RPS6KC1: variants seen among roughly 807,000 people sequenced by gnomAD.
RPS6KC1 encodes ribosomal protein S6 kinase C1.
Under a neutral mutation model 103.8 loss-of-function variants are expected in RPS6KC1, and 54 were observed. That is an observed-to-expected ratio of 0.52 (90% CI 0.42 to 0.65). The LOEUF is 0.65. RPS6KC1 is among the 30% of genes least tolerant of loss of function. The pLI, the probability that RPS6KC1 is intolerant of heterozygous loss-of-function variation, is 0.00. For synonymous variants in RPS6KC1, 439 were observed against 438.7 expected (o/e 1.00, Z -0.01); for missense variants, 1,151 against 1,253.8 (o/e 0.92, Z 1.24).
At chr1:213,814,340 A>G in the RPS6KC1 span, among the ~76,000 whole-genome samples, 8 of 152,252 alleles carry the variant, frequency 5.3e-5, no homozygotes, top group Admixed American at 2.6e-4. Context: ...TGAGGGCAGC[A>G]AGGGCCAACT....
At chr1:213,314,137 A>C in the RPS6KC1 span, among the ~76,000 whole-genome samples, 2 of 150,398 alleles carry the variant, frequency 1.3e-5, no homozygotes, top group Admixed American at 6.6e-5. Context: ...GAGGCTGCAC[A>C]CTCCCACCTC....
chr1:213,654,854 T>C, the RPS6KC1 span, among the ~76,000 whole-genome samples: 2 of 152,164 alleles, frequency 1.3e-5, no homozygotes, highest in African/African-American at 4.8e-5. Flanking sequence ...TGAGGTACTT[T>C]CATTGTAACA....
chr1:213,315,724 C>T, the RPS6KC1 span, among the ~76,000 whole-genome samples: 142 of 152,282 alleles, frequency 9.3e-4, no homozygotes, highest in Admixed American at 2.3e-3. Context: ...CTTGCTGCCC[C>T]CCACGGGCTT....
the RPS6KC1 span, among the ~76,000 whole-genome samples, chr1:213,404,225 G>A: frequency 1.2e-4 from 19 of 152,228 alleles, 1 homozygote; most frequent in South Asian, 2.9e-3. Context: ...TGCCTTCGGC[G>A]GGGGTTTACA....
intron 4 of RPS6KC1, among the ~76,000 whole-genome samples, chr1:213,114,905 A>G (rs2083420799): frequency 6.6e-6 from 1 of 152,186 alleles, no homozygotes; most frequent in African/African-American, 2.4e-5. Context: ...GATGAAGCCC[A>G]CTTGATCATG....
At chr1:213,409,819 T>G in the RPS6KC1 span, among the ~76,000 whole-genome samples, 1 of 152,220 alleles carries the variant, frequency 6.6e-6, no homozygotes, top group African/African-American at 2.4e-5. Context: ...AAGGAGCTTA[T>G]AAGCCAACAG....
the RPS6KC1 span, among the ~76,000 whole-genome samples, chr1:213,679,127 T>A: frequency 1.1e-4 from 17 of 152,294 alleles, no homozygotes; most frequent in South Asian, 3.3e-3. Context: ...AGTGAGAACT[T>A]GCATTTTATA....
chr1:213,508,012 G>T, the RPS6KC1 span, among the ~76,000 whole-genome samples: 1 of 152,180 alleles, frequency 6.6e-6, no homozygotes, highest in African/African-American at 2.4e-5. Context: ...TGATTAGGAG[G>T]CACCATCCCT....
At position 213,146,207 on chromosome 1, in the gene RPS6KC1, G is replaced by A. The variant is rs79648445; in HGVS notation, c.835+16318G>A. Among the ~76,000 whole-genome samples, 363 of 150,946 alleles carry A rather than the reference G, an allele frequency of 2.4e-3. 1 individual carries two copies. Among genetic ancestry groups the A allele is most frequent in the Middle Eastern group, 0.021 (6 of 288 alleles). The stretch of plus-strand genomic sequence containing the variant: ...AATTTTCAGTTCCATCCATGGCGTC[G>A]CAAATGACAGGATCTCATTCTTTTT... On this transcript the variant is annotated intron_variant, in intron 6 of 14. Transcript: ENST00000366960.
intron 9 of RPS6KC1, 109 bp downstream of exon 9, chr1:213,230,653 G>C (rs1558587952): frequency 1.6e-6 from 1 of 613,318 alleles, no homozygotes. Flanking sequence ...TGGCCAACAT[G>C]GTGAAACCCC....
At chr1:213,697,269 G>T in the RPS6KC1 span, among the ~76,000 whole-genome samples, 1 of 152,132 alleles carries the variant, frequency 6.6e-6, no homozygotes, top group Non-Finnish European at 1.5e-5. Flanking sequence ...CAGTGGGAGC[G>T]AGGTGGAAGG....
intron 12 of RPS6KC1, among the ~76,000 whole-genome samples, chr1:213,252,117 C>T (rs1030115347): frequency 1.5e-4 from 23 of 152,178 alleles, no homozygotes; most frequent in African/African-American, 4.6e-4. Context: ...CTTTAGTCAT[C>T]GGCTGCAGTG....
At chr1:213,353,776 A>AT in the RPS6KC1 span, among the ~76,000 whole-genome samples, 1 of 152,190 alleles carries the variant, frequency 6.6e-6, no homozygotes, top group African/African-American at 2.4e-5. Context: ...ATTGCAAGCA[A>AT]TTTTTTGGTA....
chr1:213,769,579 T>G, the RPS6KC1 span, among the ~76,000 whole-genome samples: 3 of 151,572 alleles, frequency 2.0e-5, no homozygotes, highest in African/African-American at 2.4e-5. Context: ...AATCTAATGG[T>G]CCTGCCTGTC....
chr1:213,051,491 A>G lies in RPS6KC1; in HGVS notation c.87A>G (p.Val29=), dbSNP rs781008492. ...EPQRHPRGYT[V]YKVTARVVSR... Reference sequence around the variant, plus strand: ...AGCGACACCCGAGGGGCTACACAGTATATAAGGTCACCGCCCGGGTGAGTG... The same window carrying G: ...AGCGACACCCGAGGGGCTACACAGTGTATAAGGTCACCGCCCGGGTGAGTG... The change falls in exon 1 of 15, where the codon GTA becomes GTG. Residue 29 remains valine (V), a synonymous_variant. Coordinates refer to ENST00000366960, the MANE Select transcript of RPS6KC1 (RefSeq NM_012424.6). The G allele has an allele frequency of 5.6e-6, 9 of 1,612,636 alleles. No individual in the cohort carries two copies. The highest frequency in any genetic ancestry group is 4.4e-5 in the South Asian group (4 of 90,812).
At chr1:213,418,648 A>G in the RPS6KC1 span, among the ~76,000 whole-genome samples, 2 of 151,450 alleles carry the variant, frequency 1.3e-5, no homozygotes, top group Non-Finnish European at 2.9e-5. Flanking sequence ...CTAAATGAGG[A>G]CTCTCTTCCC....
intron 5 of RPS6KC1, among the ~76,000 whole-genome samples, chr1:213,120,979 G>T (rs764101445): frequency 6.6e-6 from 1 of 152,138 alleles, no homozygotes; most frequent in Non-Finnish European, 1.5e-5. Flanking sequence ...TTGTGATAGG[G>T]TCTCACCGTG....
chr1:213,553,881 C>T, the RPS6KC1 span, among the ~76,000 whole-genome samples: 152 of 151,732 alleles, frequency 1.0e-3, no homozygotes, highest in South Asian at 6.2e-3. Flanking sequence ...TGGGGTTGTT[C>T]GTTTTTTGCT....
chr1:213,810,638 T>A, the RPS6KC1 span, among the ~76,000 whole-genome samples: 1 of 152,148 alleles, frequency 6.6e-6, no homozygotes, highest in African/African-American at 2.4e-5. Flanking sequence ...ACAAACACCA[T>A]TAGCTGTTAA....
Sources: allele counts gnomAD v4.1 joint callset (sites outside exome capture counted in the v4.1 genomes callset), GRCh38; gene constraint gnomAD v4.1.1; transcripts MANE v1.5; gene names NCBI Gene and HGNC (gene_info 2026-07-23, HGNC 2026-07-21).